Variants in GPHN observed in about 807,000 individuals in gnomAD.
GPHN encodes gephyrin.
GPHN carries 17 observed loss-of-function variants against 95.5 expected under a neutral mutation model. That is an observed-to-expected ratio of 0.18 (90% CI 0.12 to 0.27). The LOEUF (loss-of-function observed/expected upper bound fraction) is 0.27. Among genes scored for constraint, GPHN ranks in the 10% least tolerant of loss-of-function variants. The pLI is 1.00. For missense variants in GPHN, 660 were observed against 978.1 expected (o/e 0.67, Z 4.34); for synonymous variants, 320 against 322.5 (o/e 0.99, Z 0.08).
intron 21 of GPHN, among the ~76,000 whole-genome samples, chr14:67,171,420 T>A (rs2082592123): frequency 1.3e-5 from 2 of 151,800 alleles, no homozygotes; most frequent in African/African-American, 2.4e-5. Context: ...ATCCTAGCAA[T>A]TCATCAAATA....
chr14:67,303,585 G>A, the GPHN span: 1 of 1,612,812 alleles, frequency 6.2e-7, no homozygotes. Flanking sequence ...GCCGCCTCCT[G>A]CCAAGGAAAC....
intron 9 of GPHN, among the ~76,000 whole-genome samples, chr14:66,991,854 A>T (rs1806065205): frequency 6.8e-6 from 1 of 146,554 alleles, no homozygotes; most frequent in African/African-American, 2.6e-5. Flanking sequence ...CCTGGGCAAC[A>T]GAGTGAGACC....
chr14:67,683,753 T>G, the GPHN span, among the ~76,000 whole-genome samples: 1 of 152,242 alleles, frequency 6.6e-6, no homozygotes, highest in Non-Finnish European at 1.5e-5. Context: ...TGACTGCCAC[T>G]CTGACACTTC....
chr14:67,323,535 G>A, the GPHN span, among the ~76,000 whole-genome samples: 1 of 151,424 alleles, frequency 6.6e-6, no homozygotes, highest in Non-Finnish European at 1.5e-5. Context: ...GGCCACTTGA[G>A]TGCAGCAGAT....
At chr14:66,830,139 C>CA (rs60321734) in intron 4 of GPHN, among the ~76,000 whole-genome samples, 2 of 151,996 alleles carry the variant, frequency 1.3e-5, no homozygotes, top group Non-Finnish European at 2.9e-5. Context: ...TGATGCTTTG[C>CA]AAAAAAAGTT....
the GPHN span, among the ~76,000 whole-genome samples, chr14:67,466,795 C>G: frequency 6.6e-6 from 1 of 152,110 alleles, no homozygotes; most frequent in Non-Finnish European, 1.5e-5. Context: ...GAGCTCAAGA[C>G]TAGCCTGGCC....
rs575388682 is a variant in GPHN at position 67,045,507 on chromosome 14, CTCTG to C, written c.1007-13134_1007-13131del. Among the ~76,000 whole-genome samples, 1,036 of 151,074 alleles carry C rather than the reference CTCTG, an allele frequency of 6.9e-3. 7 individuals are homozygous for C. Among genetic ancestry groups the C allele is most frequent in the African/African-American group, 0.012 (485 of 41,148 alleles). The stretch of plus-strand genomic sequence containing the variant: ...TCTGTGTGTGTCTGTCTTTGTCTTT[CTCTG>C]TCTGTCTCTCTCTGTGTATTTGTCT... On this transcript the variant is annotated intron_variant, in intron 10 of 22. Coordinates refer to ENST00000478722, the MANE Select transcript of GPHN (RefSeq NM_020806.5).
the GPHN span, chr14:67,657,246 A>G: frequency 2.6e-5 from 4 of 152,212 alleles, no homozygotes; most frequent in African/African-American, 9.7e-5. Flanking sequence ...TAAAGAAAGC[A>G]TGTAGAAGTC....
intron 1 of GPHN, among the ~76,000 whole-genome samples, chr14:66,534,005 G>A (rs1236342105): frequency 6.6e-6 from 1 of 151,988 alleles, no homozygotes; most frequent in African/African-American, 2.4e-5. Flanking sequence ...ACTGAGTTGG[G>A]GCTAAAATAC....
At chr14:67,311,527 G>T in the GPHN span, among the ~76,000 whole-genome samples, 1 of 152,112 alleles carries the variant, frequency 6.6e-6, no homozygotes, top group South Asian at 2.1e-4. Flanking sequence ...TATAGATTTT[G>T]GAAGTGTCAC....
the GPHN span, among the ~76,000 whole-genome samples, chr14:67,558,644 G>A: frequency 0.052 from 7,842 of 152,246 alleles, 255 homozygotes; most frequent in Middle Eastern, 0.078. Flanking sequence ...AAAAGAAAAG[G>A]CACTGTTTTG....
chr14:67,436,892 C>T, the GPHN span, among the ~76,000 whole-genome samples: 2 of 152,078 alleles, frequency 1.3e-5, no homozygotes, highest in South Asian at 2.1e-4. Flanking sequence ...CCCATCTCTA[C>T]AAAAAATTAA....
At chr14:67,328,312 C>G in the GPHN span, among the ~76,000 whole-genome samples, 1 of 152,148 alleles carries the variant, frequency 6.6e-6, no homozygotes, top group Non-Finnish European at 1.5e-5. Flanking sequence ...ATCCTTTGCC[C>G]ACTTTTTGAT....
intron 3 of GPHN, among the ~76,000 whole-genome samples, chr14:66,808,054 A>G (rs1253179378): frequency 6.6e-6 from 1 of 152,218 alleles, no homozygotes; most frequent in Non-Finnish European, 1.5e-5. Flanking sequence ...AGTATTGTCA[A>G]TCTTTTTCCA....
chr14:67,070,322 AAT>A (rs1230025370), intron 11 of GPHN, among the ~76,000 whole-genome samples: 1 of 122,320 alleles, frequency 8.2e-6, no homozygotes, highest in East Asian at 2.5e-4. Flanking sequence ...ATACATTTTA[AAT>A]ATTTTTATAT....
At chr14:66,877,295 A>T (rs541964997) in intron 4 of GPHN, among the ~76,000 whole-genome samples, 2 of 152,372 alleles carry the variant, frequency 1.3e-5, no homozygotes, top group African/African-American at 4.8e-5. Context: ...GATTGGGCAA[A>T]AGCTGGAAGC....
chr14:67,359,557 C>T, the GPHN span: 16 of 1,347,994 alleles, frequency 1.2e-5, no homozygotes, highest in Non-Finnish European at 1.6e-5. Flanking sequence ...GCTCAGGATC[C>T]TCCCAGGAAA....
chr14:67,301,642 G>T, the GPHN span, among the ~76,000 whole-genome samples: 4 of 152,100 alleles, frequency 2.6e-5, no homozygotes, highest in African/African-American at 9.7e-5. Context: ...GATTTAAAAT[G>T]AACCAAATTA....
At chr14:67,128,336 A>G (rs955844039) in intron 17 of GPHN, among the ~76,000 whole-genome samples, 2 of 151,202 alleles carry the variant, frequency 1.3e-5, no homozygotes, top group African/African-American at 4.9e-5. Context: ...GGCTCACTGC[A>G]ACATCTGCCT....
Sources: allele counts gnomAD v4.1 joint callset (sites outside exome capture counted in the v4.1 genomes callset), GRCh38; gene constraint gnomAD v4.1.1; transcripts MANE v1.5; gene names NCBI Gene and HGNC (gene_info 2026-07-23, HGNC 2026-07-21).